The following ABLIM2 variants were observed in gnomAD, a reference collection of about 807,000 sequenced individuals.
The protein encoded by ABLIM2 is actin-binding LIM protein 2.
Under a neutral mutation model 97.7 loss-of-function variants are expected in ABLIM2, and 53 were observed. That is an observed-to-expected ratio of 0.54 (90% confidence interval 0.44 to 0.68). ABLIM2 has a LOEUF of 0.68. ABLIM2 is among the 30% of genes least tolerant of loss of function. The pLI is 0.00. For missense variants in ABLIM2, 835 were observed against 867.2 expected (o/e 0.96, Z 0.47); for synonymous variants, 361 against 345.8 (o/e 1.04, Z -0.49).
rs1213618525 is a variant in ABLIM2 at position 8,083,236 on chromosome 4, T to A, written c.455-2434A>T. Among the ~76,000 whole-genome samples the A allele has an allele frequency of 6.6e-6, 1 of 152,136 alleles. No homozygotes were observed. The highest frequency in any genetic ancestry group is 2.4e-5 in the African/African-American group (1 of 41,426). ...CAGACAGCAGACAGCAGCGGTCAGA[T>A]CCCAGCAATGCCCCCCACCGGCTGT... On this transcript the variant is annotated intron_variant, in intron 4 of 20. Transcript: ENST00000447017. This position sits in a 1 kb window ranked among gnomAD's most constrained non-coding sequence, Gnocchi z 4.6.
In ABLIM2 at chr4:8,125,995, TG is replaced by T. The variant is rs1015759477; in HGVS notation, c.11-19359del. ...AGCCACACAGCCAACCCGCTTTTTC[TG>T]GGGGCCTCATGGGCAGGGCAGTGTC... On this transcript the variant is annotated intron_variant, in intron 1 of 20. Coordinates refer to ENST00000447017, the MANE Select transcript of ABLIM2 (RefSeq NM_001130083.2). This position sits in a 1 kb window ranked among gnomAD's most constrained non-coding sequence, Gnocchi z 6.2. Among the ~76,000 whole-genome samples, 27 of 152,244 alleles carry T rather than the reference TG, an allele frequency of 1.8e-4. No homozygotes were observed. Among genetic ancestry groups the T allele is most frequent in the South Asian group, 8.3e-4 (4 of 4,818 alleles).
intron 16 of ABLIM2, among the ~76,000 whole-genome samples, chr4:7,995,987 G>C (rs899674652): frequency 3.3e-5 from 5 of 152,122 alleles, no homozygotes; most frequent in African/African-American, 7.2e-5. Flanking sequence ...TGCCAGACAA[G>C]GCCTCCTGCC....
rs560928884 is a variant in ABLIM2 at position 8,037,584 on chromosome 4, C to T, written c.901-1289G>A. ...ACCCCCACACACTGGCACACACCTG[C>T]ACACCCAGATTCACCCACAAACGTG... On this transcript the variant is annotated intron_variant, in intron 9 of 20. Coordinates refer to ENST00000447017, the MANE Select transcript of ABLIM2 (RefSeq NM_001130083.2). Among the ~76,000 whole-genome samples the T allele has an allele frequency of 6.6e-5, 10 of 152,244 alleles. No individual in the cohort carries two copies. The East Asian group carries it at 1.5e-3, about 24-fold the overall frequency.
chr4:7,976,917 A>G (rs1733881432), intron 20 of ABLIM2, among the ~76,000 whole-genome samples: 1 of 151,330 alleles, frequency 6.6e-6, no homozygotes, highest in Admixed American at 6.6e-5. Context: ...ACACACACAC[A>G]TACACACATA....
chr4:8,092,647 T>C (rs1829448316), intron 3 of ABLIM2, among the ~76,000 whole-genome samples: 2 of 152,024 alleles, frequency 1.3e-5, no homozygotes, highest in Non-Finnish European at 1.5e-5. Flanking sequence ...CTCCCCTTTT[T>C]TCTCTCCTTC....
chr4:8,157,439 C>G (rs1469417050), intron 1 of ABLIM2, among the ~76,000 whole-genome samples: 1 of 152,222 alleles, frequency 6.6e-6, no homozygotes, highest in African/African-American at 2.4e-5. Context: ...AATCCTCTTC[C>G]AAAGGGTTCT....
intron 3 of ABLIM2, among the ~76,000 whole-genome samples, chr4:8,091,338 A>G (rs1827519184): frequency 3.6e-5 from 1 of 28,094 alleles, no homozygotes; most frequent in South Asian, 6.5e-4. Flanking sequence ...TATTATATAT[A>G]TAATATATAT....
chr4:8,126,658 G>A (rs1056384768), intron 1 of ABLIM2, among the ~76,000 whole-genome samples: 5 of 152,130 alleles, frequency 3.3e-5, no homozygotes, highest in African/African-American at 1.2e-4. Flanking sequence ...GCAGGACACC[G>A]GGCCAGGCAG....
intron 12 of ABLIM2, among the ~76,000 whole-genome samples, chr4:8,024,278 T>C (rs529664599): frequency 9.9e-5 from 15 of 152,246 alleles, no homozygotes; most frequent in East Asian, 3.9e-4. Flanking sequence ...CTGCCCCCGC[T>C]GTCGGCTCCT....
intron 6 of ABLIM2, among the ~76,000 whole-genome samples, chr4:8,077,422 C>T (rs1295976056): frequency 6.6e-6 from 1 of 152,244 alleles, no homozygotes; most frequent in Non-Finnish European, 1.5e-5. Context: ...GAGAGCATCA[C>T]AAGGCAGGCT....
At chr4:8,027,631 CAG>C in intron 12 of ABLIM2, 126 bp downstream of exon 12, 3 of 645,118 alleles carry the variant, frequency 4.7e-6, no homozygotes, top group Non-Finnish European at 7.3e-6. Context: ...AAGACACACA[CAG>C]AGAGGGGCAC....
rs762304766 is a variant in ABLIM2 at position 7,967,072 on chromosome 4, A to G, written c.1856T>C (p.Val619Ala). Residue 619 changes from valine to alanine, a missense_variant, in exon 21 of 21, where the codon GTG becomes GCG. Transcript: ENST00000447017. ...RHLSPEEFQE[V>A]FGMSIEEFDR... is the part of the protein sequence containing the mutation. ...AAACTCCTCGATGCTCATCCCAAAC[A>G]CTTCCTGGAACTCCTCGGGCGACAA... is the stretch of plus-strand genomic sequence containing the variant. 5.0e-6 allele frequency: 8 copies of G among 1,613,580 alleles called. No homozygotes were observed. The Admixed American group carries it at 1.2e-4, about 24-fold the overall frequency.
In ABLIM2 at chr4:8,004,563, C is replaced by T. The variant is rs944350803; in HGVS notation, c.1618+3496G>A. Among the ~76,000 whole-genome samples the T allele has an allele frequency of 2.0e-5, 3 of 152,070 alleles. No homozygotes were observed. Among genetic ancestry groups the T allele is most frequent in the Non-Finnish European group, 2.9e-5 (2 of 68,026 alleles). On this transcript the variant is annotated intron_variant, in intron 16 of 20. Coordinates refer to ENST00000447017, the MANE Select transcript of ABLIM2 (RefSeq NM_001130083.2). This position sits in a 1 kb window ranked among gnomAD's most constrained non-coding sequence, Gnocchi z 5.9. The stretch of plus-strand genomic sequence containing the variant: ...ATTATGCTGACACGCCTCTGACCTT[C>T]GAGGGTGGGACGTGAGAGACCTCAA...
chr4:8,123,525 C>T lies in ABLIM2; in HGVS notation c.11-16888G>A, dbSNP rs963181039. On this transcript the variant is annotated intron_variant, in intron 1 of 20. Transcript: ENST00000447017. This position sits in a 1 kb window ranked among gnomAD's most constrained non-coding sequence, Gnocchi z 6.2. ...GAGGCTGGTGTGAGGGAAGCATTTC[C>T]GGCATGTCTAATTAAAACTGGTCGT... Among the ~76,000 whole-genome samples, 1 of 152,174 alleles carries T rather than the reference C, an allele frequency of 6.6e-6. No homozygotes were observed. The highest frequency in any genetic ancestry group is 2.4e-5 in the African/African-American group (1 of 41,442).
At chr4:7,985,016 G>T in intron 17 of ABLIM2, 123 bp from the exon 18 acceptor site, 2 of 998,986 alleles carry the variant, frequency 2.0e-6, no homozygotes, top group East Asian at 5.3e-5. Context: ...GGAGTAGGGT[G>T]TCCTTAGCAC....
intron 5 of ABLIM2, among the ~76,000 whole-genome samples, chr4:8,078,153 A>G (rs914918444): frequency 2.6e-5 from 4 of 152,214 alleles, no homozygotes; most frequent in African/African-American, 7.2e-5. Flanking sequence ...AGAATGACAG[A>G]AAGCCCAGAT....
At chr4:8,129,744 C>T (rs560277153) in intron 1 of ABLIM2, among the ~76,000 whole-genome samples, 2 of 152,338 alleles carry the variant, frequency 1.3e-5, no homozygotes, top group Admixed American at 1.3e-4. Flanking sequence ...CTCTCTCTCT[C>T]TCTCTCTGTG....
rs1437188821 is a variant in ABLIM2, at chr4:7,999,825, A to G, written c.1619-6898T>C. Among the ~76,000 whole-genome samples the G allele has an allele frequency of 1.3e-5, 2 of 152,156 alleles. No individual in the cohort carries two copies. Among genetic ancestry groups the G allele is most frequent in the African/African-American group, 4.8e-5 (2 of 41,448 alleles). On this transcript the variant is annotated intron_variant, in intron 16 of 20. Transcript: ENST00000447017. The surrounding 1 kb of genome is among the most constrained non-coding windows in gnomAD (Gnocchi z 4.4). ...CCAGGCTCCTGGCCGCCTCCCCTCC[A>G]TGAAGCCTGCCATAGCCACCTTGCC...
At chr4:8,035,719 TCATGGGGCAGAGGAG>T (rs1461417862) in intron 10 of ABLIM2, among the ~76,000 whole-genome samples, 1 of 152,178 alleles carries the variant, frequency 6.6e-6, no homozygotes, top group African/African-American at 2.4e-5. Context: ...GCTCATGAAT[TCATGGGGCAGAGGAG>T]CATGGGGCAG....
Sources: gnomAD v4.1 joint callset for allele counts (sites outside exome capture counted in the v4.1 genomes callset) on GRCh38, gnomAD v4.1.1 for gene constraint, Gnocchi (gnomAD v3.1) non-coding constraint, MANE v1.5 for transcripts, NCBI Gene and HGNC (gene_info 2026-07-23, HGNC 2026-07-21) for gene names.